The following EXOC6B variants were observed in gnomAD, a reference collection of about 807,000 sequenced individuals.
The protein encoded by EXOC6B is exocyst complex component 6B.
EXOC6B carries 54 observed loss-of-function variants against 113.5 expected under a neutral mutation model. The ratio of observed to expected loss-of-function variants is 0.48; its 90% confidence interval spans 0.38 to 0.60. The LOEUF is 0.60. Among genes scored for constraint, EXOC6B ranks in the 20% least tolerant of loss-of-function variants. EXOC6B has a pLI of 0.00. For synonymous variants in EXOC6B, 357 were observed against 339.0 expected (o/e 1.05, Z -0.58); for missense variants, 797 against 977.5 (o/e 0.82, Z 2.46).
At chr2:72,422,419 G>A (rs1694943093) in intron 18 of EXOC6B, among the ~76,000 whole-genome samples, 1 of 151,178 alleles carries the variant, frequency 6.6e-6, no homozygotes, top group Admixed American at 6.6e-5. Context: ...AGCTGGTCTG[G>A]TGGGGCCTTG....
At chr2:72,448,211 C>A (rs1696701662) in intron 18 of EXOC6B, among the ~76,000 whole-genome samples, 2 of 152,116 alleles carry the variant, frequency 1.3e-5, no homozygotes, top group Non-Finnish European at 2.9e-5. Context: ...ATATACTATA[C>A]CCTCTGCCTA....
At chr2:72,373,912 G>A (rs1049413271) in intron 19 of EXOC6B, among the ~76,000 whole-genome samples, 5 of 152,084 alleles carry the variant, frequency 3.3e-5, no homozygotes, top group African/African-American at 1.2e-4. Flanking sequence ...TCACGGGTCT[G>A]GAGTTCGAGA....
intron 20 of EXOC6B, 57 bp from the exon 21 acceptor site, chr2:72,184,244 G>T: frequency 1.1e-6 from 1 of 873,170 alleles, no homozygotes; most frequent in Non-Finnish European, 1.8e-6. Flanking sequence ...GACAAACCAA[G>T]ATTCCAGAAA....
chr2:72,704,241 G>A (rs1183055969), intron 6 of EXOC6B, among the ~76,000 whole-genome samples: 11 of 149,970 alleles, frequency 7.3e-5, no homozygotes, highest in Admixed American at 4.0e-4. Context: ...GGTACATAAC[G>A]AAATGAAGGC....
chr2:72,203,718 T>C (rs148239572), intron 20 of EXOC6B, among the ~76,000 whole-genome samples: 10 of 152,294 alleles, frequency 6.6e-5, no homozygotes, highest in African/African-American at 2.2e-4. Context: ...GAGAATGAAT[T>C]GTATTCCCAC....
chr2:72,562,252 AG>A (rs1703931471), intron 7 of EXOC6B, among the ~76,000 whole-genome samples: 1 of 152,148 alleles, frequency 6.6e-6, no homozygotes, highest in Admixed American at 6.6e-5. Context: ...GGAATGCTAC[AG>A]GTTTGGAAGA....
chr2:72,449,043 C>G (rs1696755893), intron 18 of EXOC6B, among the ~76,000 whole-genome samples: 1 of 152,178 alleles, frequency 6.6e-6, no homozygotes, highest in Admixed American at 6.5e-5. Context: ...AAACTTAAGC[C>G]TAAAAGAAAA....
chr2:72,413,421 C>T (rs1573065969), intron 18 of EXOC6B, among the ~76,000 whole-genome samples: 1 of 150,640 alleles, frequency 6.6e-6, no homozygotes, highest in African/African-American at 2.4e-5. Context: ...GGCACTGTGG[C>T]TCATGCCTGT....
intron 5 of EXOC6B, among the ~76,000 whole-genome samples, chr2:72,721,014 G>A (rs1264094018): frequency 2.0e-5 from 3 of 151,968 alleles, no homozygotes; most frequent in East Asian, 3.9e-4. Context: ...AACTGGTAAC[G>A]TTTATTTGTA....
intron 18 of EXOC6B, among the ~76,000 whole-genome samples, chr2:72,441,977 G>A (rs531756507): frequency 3.0e-4 from 45 of 152,310 alleles, no homozygotes; most frequent in African/African-American, 1.1e-3. Flanking sequence ...CAATATCATT[G>A]ATGAACATTG....
chr2:72,356,902 TA>T (rs1689998155), intron 19 of EXOC6B, among the ~76,000 whole-genome samples: 1 of 152,130 alleles, frequency 6.6e-6, no homozygotes, highest in Admixed American at 6.6e-5. Flanking sequence ...ACTGCCATAC[TA>T]AGAGAGCAGA....
intron 6 of EXOC6B, among the ~76,000 whole-genome samples, chr2:72,715,151 C>T (rs543668540): frequency 7.7e-4 from 117 of 152,042 alleles, no homozygotes; most frequent in African/African-American, 2.7e-3. Context: ...CACTTGAACC[C>T]GAGAGGCAGA....
At chr2:72,627,510 G>A (rs1165683184) in intron 6 of EXOC6B, among the ~76,000 whole-genome samples, 1 of 152,118 alleles carries the variant, frequency 6.6e-6, no homozygotes, top group Non-Finnish European at 1.5e-5. Flanking sequence ...TTTGGATACA[G>A]TTAGTTTCAA....
chr2:72,662,124 A>G (rs1322370735), intron 6 of EXOC6B, among the ~76,000 whole-genome samples: 3 of 143,474 alleles, frequency 2.1e-5, no homozygotes, highest in African/African-American at 5.2e-5. Flanking sequence ...GGGAGGGGGG[A>G]AAGGAAGAGA....
At chr2:72,320,560 T>C (rs1198966704) in intron 20 of EXOC6B, among the ~76,000 whole-genome samples, 1 of 152,172 alleles carries the variant, frequency 6.6e-6, no homozygotes, top group Non-Finnish European at 1.5e-5. Context: ...TCATATCATA[T>C]TGAAAAATTA....
intron 7 of EXOC6B, among the ~76,000 whole-genome samples, chr2:72,574,774 T>A (rs1372463871): frequency 6.6e-6 from 1 of 152,168 alleles, no homozygotes. Flanking sequence ...CAAAGAGACA[T>A]CCAGTTAATG....
At chr2:72,784,602 C>A (rs1684264282) in intron 1 of EXOC6B, among the ~76,000 whole-genome samples, 2 of 152,082 alleles carry the variant, frequency 1.3e-5, no homozygotes, top group South Asian at 4.1e-4. Context: ...GAGGAAGAAG[C>A]AAAAGCGGAA....
intron 21 of EXOC6B, among the ~76,000 whole-genome samples, 178 bp from the exon 22 acceptor site, chr2:72,179,639 C>A (rs1239881494): frequency 3.3e-5 from 5 of 152,076 alleles, no homozygotes; most frequent in South Asian, 4.2e-4. Flanking sequence ...GGCATTCTGG[C>A]ACCTATAGCC....
At chr2:72,637,243 A>C (rs1378597954) in intron 6 of EXOC6B, among the ~76,000 whole-genome samples, 3 of 152,186 alleles carry the variant, frequency 2.0e-5, no homozygotes, top group Non-Finnish European at 4.4e-5. Flanking sequence ...ATTCCAAAAA[A>C]CGCCAAAAGC....
Sources: gnomAD v4.1 joint callset for allele counts (sites outside exome capture counted in the v4.1 genomes callset) on GRCh38, gnomAD v4.1.1 for gene constraint, MANE v1.5 for transcripts, NCBI Gene and HGNC (gene_info 2026-07-23, HGNC 2026-07-21) for gene names.